FDXR: variants seen among roughly 807,000 people sequenced by gnomAD.
FDXR encodes the protein ferredoxin reductase.
Under a neutral mutation model 58.3 loss-of-function variants are expected in FDXR, and 38 were observed. The ratio of observed to expected loss-of-function variants is 0.65; its 90% CI spans 0.50 to 0.85. The LOEUF (loss-of-function observed/expected upper bound fraction) is 0.85. FDXR is among the 40% of genes least tolerant of loss of function. FDXR has a pLI of 0.00. For missense variants in FDXR, 624 were observed against 671.0 expected (o/e 0.93, Z 0.77); for synonymous variants, 275 against 273.8 (o/e 1.00, Z -0.04).
In FDXR at chr17:74,863,888, CCT is replaced by C; in HGVS notation, c.1174+6_1174+7del. 1 of 1,608,662 alleles carries C rather than the reference CCT, an allele frequency of 6.2e-7. No homozygotes were observed. Reference sequence around the variant, plus strand: ...AATTCAGCACCCAGCCTCCTCACACCCTCTCACCTGGCACATCCATAACCCGG... The same window carrying C: ...AATTCAGCACCCAGCCTCCTCACACCCTCACCTGGCACATCCATAACCCGG... On this transcript the variant is annotated splice_donor_region_variant and intron_variant, in intron 10 of 11. Coordinates refer to ENST00000293195, the MANE Select transcript of FDXR (RefSeq NM_024417.5).
intron 2 of FDXR, chr17:74,868,723 T>C (rs2038276846): frequency 1.3e-6 from 2 of 1,517,260 alleles, no homozygotes; most frequent in African/African-American, 2.8e-5. Context: ...CCTGTCCCTC[T>C]AGCTGCTCCC....
In FDXR at chr17:74,862,613, G is replaced by A. The variant is rs768341015; in HGVS notation, c.*204C>T. On this transcript the variant is annotated 3_prime_UTR_variant, in exon 12 of 12. Transcript: ENST00000293195. ...GCCCACACCTCCACCTGTCCCTAAG[G>A]TTACCTCAGTTGCTGAAAGCTAAAA... The A allele has an allele frequency of 7.9e-6, 5 of 636,198 alleles. No individual in the cohort carries two copies. Among genetic ancestry groups the A allele is most frequent in the East Asian group, 2.8e-5 (1 of 35,414 alleles). The allele number at this position is 636,198 out of a possible 1,614,324, so 39.4% of individuals were successfully genotyped here.
At chr17:74,865,615 C>T (rs571947256) in intron 6 of FDXR, 104 bp downstream of exon 6, 159 of 745,764 alleles carry the variant, frequency 2.1e-4, no homozygotes, top group Non-Finnish European at 2.6e-4. Flanking sequence ...AACAGAGGCA[C>T]TGAGCCCAGC....
In FDXR at chr17:74,864,080, G is replaced by A. The variant is rs773052930; in HGVS notation, c.1003-13C>T. The A allele has an allele frequency of 1.9e-6, 3 of 1,613,752 alleles. No individual in the cohort carries two copies. Among genetic ancestry groups the A allele is most frequent in the Admixed American group, 3.3e-5 (2 of 60,032 alleles). Reference sequence around the variant, plus strand: ...CCTCATCGACACCCTGTTGGGGAGAGTGTGGGCAACACCAGGCGGGTGGCA... The same window carrying A: ...CCTCATCGACACCCTGTTGGGGAGAATGTGGGCAACACCAGGCGGGTGGCA... On this transcript the variant is annotated splice_polypyrimidine_tract_variant and intron_variant, in intron 9 of 11. Coordinates refer to ENST00000293195, the MANE Select transcript of FDXR (RefSeq NM_024417.5).
At position 74,862,781 on chromosome 17, in the gene FDXR, T is replaced by TC. The variant is rs781398098; in HGVS notation, c.*35dup. The TC allele has an allele frequency of 6.3e-7, 1 of 1,588,542 alleles. No homozygotes were observed. Among genetic ancestry groups the TC allele is most frequent in the Non-Finnish European group, 8.5e-7 (1 of 1,171,294 alleles). On this transcript the variant is annotated 3_prime_UTR_variant, in exon 12 of 12. Transcript: ENST00000293195. ...CCAGCCCTTCCCCTCCCAACACTCA[T>TC]CCCTTCCCTGCTGGGGGCCGGGGCT...
chr17:74,871,509 C>G (rs889847736), intron 2 of FDXR, among the ~76,000 whole-genome samples: 1 of 152,138 alleles, frequency 6.6e-6, no homozygotes, highest in African/African-American at 2.4e-5. Flanking sequence ...CCCTTCCTGC[C>G]GAGGCAGACA....
In FDXR at chr17:74,862,553, T is replaced by G. The variant is rs1217401626; in HGVS notation, c.*264A>C. 9 of 441,530 alleles carry G rather than the reference T, an allele frequency of 2.0e-5. No homozygotes were observed. Among genetic ancestry groups the G allele is most frequent in the African/African-American group, 1.6e-4 (8 of 50,150 alleles). 27.4% of individuals were successfully genotyped at this position (441,530 alleles called of 1,614,324 possible). A position where few individuals can be genotyped will look rare whatever the true frequency, so the allele number is the denominator to read the frequency against. On this transcript the variant is annotated 3_prime_UTR_variant, in exon 12 of 12. Transcript: ENST00000293195. Reference sequence around the variant, plus strand: ...TTCCCAACCTGGTGACCCTCCACAGTCCAGCAGTAGAGAGATGGGTAAGGG... The same window carrying G: ...TTCCCAACCTGGTGACCCTCCACAGGCCAGCAGTAGAGAGATGGGTAAGGG...
chr17:74,864,808 A>T lies in FDXR; in HGVS notation c.717+16T>A, dbSNP rs111758978. On this transcript the variant is annotated intron_variant, in intron 7 of 11. Transcript: ENST00000293195. ...TCCACCTGGAACCCTGGCTCCTCCC[A>T]CTCTGGCCCCAGCACCTTAATGGTG... 1.4e-5 allele frequency: 22 copies of T among 1,612,492 alleles called. No individual in the cohort carries two copies. The highest frequency in any genetic ancestry group is 1.8e-5 in the Non-Finnish European group (21 of 1,179,608).
intron 2 of FDXR, among the ~76,000 whole-genome samples, chr17:74,869,492 C>T (rs959683625): frequency 7.2e-5 from 11 of 152,180 alleles, no homozygotes; most frequent in African/African-American, 2.7e-4. Context: ...ACACAGGCAC[C>T]TTCCAGAACT....
rs977135167 is a variant in FDXR at position 74,865,888 on chromosome 17, G to T, written c.508-68C>A. 6.3e-5 allele frequency: 80 copies of T among 1,261,720 alleles called. 1 individual carries two copies. In the Admixed American group the frequency reaches 7.7e-4, roughly 12 times the overall value. 78.2% of individuals were successfully genotyped at this position (1,261,720 alleles called of 1,614,324 possible). ...ACTCAGTTCATCTCAGTCTGCAGGT[G>T]CCTCATGCCTGGTCCCCACTGTGCC... On this transcript the variant is annotated intron_variant, in intron 5 of 11. Transcript: ENST00000293195.
chr17:74,872,288 G>A (rs375277783), intron 1 of FDXR, 155 bp from the exon 2 acceptor site: 3 of 1,536,310 alleles, frequency 2.0e-6, no homozygotes, highest in Non-Finnish European at 8.7e-7. Context: ...CATTTGCAGG[G>A]TCTCTTACTT....
At position 74,864,044 on chromosome 17, in the gene FDXR, T is replaced by G; in HGVS notation, c.1026A>C (p.Ala342=). 1 of 1,613,978 alleles carries G rather than the reference T, an allele frequency of 6.2e-7. No homozygotes were observed. Among genetic ancestry groups the G allele is most frequent in the South Asian group, 1.1e-5 (1 of 91,090 alleles). ...GGTCTTCCATGTCTCCCGTGGGCACTGCACGGGTGGCCTCATCGACACCCT... is the reference window on the plus strand; with the variant it reads ...GGTCTTCCATGTCTCCCGTGGGCACGGCACGGGTGGCCTCATCGACACCCT... The part of the protein sequence containing the change: ...RLEGVDEATR[A]VPTGDMEDLP... The change falls in exon 10 of 12, where the codon GCA becomes GCC. Residue 342 remains alanine, a synonymous_variant. Transcript: ENST00000293195.
chr17:74,868,385 G>T, intron 2 of FDXR: 1 of 683,780 alleles, frequency 1.5e-6, no homozygotes, highest in Middle Eastern at 2.4e-4. Context: ...CAGGCAGCCC[G>T]GGGTGCAACC....
At chr17:74,871,262 C>T (rs778528063) in intron 2 of FDXR, among the ~76,000 whole-genome samples, 3 of 152,242 alleles carry the variant, frequency 2.0e-5, no homozygotes, top group African/African-American at 4.8e-5. Context: ...TCCAGCTTAG[C>T]GCTGAAGCCC....
intron 3 of FDXR, 96 bp downstream of exon 3, chr17:74,866,688 G>C: frequency 1.3e-6 from 2 of 1,579,088 alleles, no homozygotes; most frequent in Non-Finnish European, 1.7e-6. Context: ...GGGCACAGAC[G>C]GCATGAAGTC....
At chr17:74,872,618 T>A (rs903390411) in intron 1 of FDXR, 2 of 809,316 alleles carry the variant, frequency 2.5e-6, no homozygotes, top group Middle Eastern at 2.5e-4. Context: ...ATTCACCCCG[T>A]CTCACACCTG....
Position 74,864,856 on chromosome 17 carries a change from G to C in FDXR, c.685C>G (p.Arg229Gly). The C allele has an allele frequency of 6.2e-7, 1 of 1,614,004 alleles. No homozygotes were observed. The highest frequency in any genetic ancestry group is 2.2e-5 in the East Asian group (1 of 44,878). ...GTGAAGGCCACTTGCAGGGGTCCAC[G>C]CCGGCCCACTAGCCACACTGTCTTC... ...RVKTVWLVGR[R>G]GPLQVAFTIK... Residue 229 changes from arginine (R) to glycine (G), a missense_variant, in exon 7 of 12, where the codon CGT (arginine) becomes GGT (glycine). By Grantham distance (125) the Arg-to-Gly change is moderately radical. Coordinates refer to ENST00000293195, the MANE Select transcript of FDXR (RefSeq NM_024417.5).
At chr17:74,869,418 C>G (rs182413465) in intron 2 of FDXR, among the ~76,000 whole-genome samples, 17 of 152,272 alleles carry the variant, frequency 1.1e-4, no homozygotes, top group African/African-American at 4.1e-4. Flanking sequence ...GGCTTCCAAG[C>G]CCCCCAGGAT....
intron 2 of FDXR, chr17:74,869,926 C>T (rs1223224651): frequency 2.2e-6 from 1 of 448,546 alleles, no homozygotes; most frequent in African/African-American, 2.0e-5. Context: ...CTTGGACAAC[C>T]TCACTTGGCC....
Sources: gnomAD v4.1 joint callset for allele counts (sites outside exome capture counted in the v4.1 genomes callset) on GRCh38, gnomAD v4.1.1 for gene constraint, MANE v1.5 for transcripts, NCBI Gene and HGNC (gene_info 2026-07-23, HGNC 2026-07-21) for gene names.